Variants in CDK14 observed in about 807,000 individuals in gnomAD.
The protein encoded by CDK14 is cyclin dependent kinase 14.
CDK14 carries 34 observed loss-of-function variants against 60.7 expected under a neutral mutation model. That is an observed-to-expected ratio of 0.56 (90% CI 0.43 to 0.75). CDK14 has a LOEUF of 0.75. Among genes scored for constraint, CDK14 ranks in the 30% least tolerant of loss-of-function variants. CDK14 has a pLI of 0.00. For missense variants in CDK14, 482 were observed against 564.1 expected (o/e 0.85, Z 1.47); for synonymous variants, 197 against 203.7 (o/e 0.97, Z 0.28).
chr7:90,844,167 A>G (rs1790387565), intron 5 of CDK14, among the ~76,000 whole-genome samples: 1 of 152,214 alleles, frequency 6.6e-6, no homozygotes, highest in African/African-American at 2.4e-5. Context: ...TTTAATAGCT[A>G]GTTGCATAGG....
intron 9 of CDK14, among the ~76,000 whole-genome samples, chr7:90,959,973 G>C (rs1794552593): frequency 6.6e-6 from 1 of 152,118 alleles, no homozygotes; most frequent in Non-Finnish European, 1.5e-5. Flanking sequence ...CTCTGTGAAA[G>C]TCAAGGCATA....
At chr7:91,004,589 A>G (rs1199797334) in intron 10 of CDK14, among the ~76,000 whole-genome samples, 1 of 152,218 alleles carries the variant, frequency 6.6e-6, no homozygotes, top group Non-Finnish European at 1.5e-5. Context: ...AAGAATATCA[A>G]TTGATGTCAT....
At chr7:90,653,173 T>C (rs529439653) in intron 2 of CDK14, among the ~76,000 whole-genome samples, 21 of 152,022 alleles carry the variant, frequency 1.4e-4, no homozygotes, top group Admixed American at 2.6e-4. Context: ...GGTGTACTTA[T>C]ACACTGTACA....
chr7:90,676,681 T>G (rs1801205925), intron 2 of CDK14, among the ~76,000 whole-genome samples: 1 of 152,024 alleles, frequency 6.6e-6, no homozygotes, highest in Admixed American at 6.6e-5. Context: ...TATAGGTGGA[T>G]ACTACCACAC....
At chr7:90,837,917 A>G (rs993927572) in intron 5 of CDK14, among the ~76,000 whole-genome samples, 1 of 152,140 alleles carries the variant, frequency 6.6e-6, no homozygotes, top group Non-Finnish European at 1.5e-5. Context: ...GGTGGGTTGC[A>G]GATCAGGATT....
intron 10 of CDK14, among the ~76,000 whole-genome samples, chr7:91,002,157 T>C (rs902487422): frequency 6.6e-6 from 1 of 152,178 alleles, no homozygotes; most frequent in Non-Finnish European, 1.5e-5. Flanking sequence ...TTTGTTGAAA[T>C]GAAATTTCAC....
At chr7:90,885,560 A>T (rs1359930898) in intron 6 of CDK14, among the ~76,000 whole-genome samples, 1 of 152,240 alleles carries the variant, frequency 6.6e-6, no homozygotes, top group African/African-American at 2.4e-5. Flanking sequence ...CAATCCCATT[A>T]TAGGGTATAT....
chr7:91,203,859 A>G (rs945704412), intron 14 of CDK14, among the ~76,000 whole-genome samples: 2 of 152,178 alleles, frequency 1.3e-5, no homozygotes, highest in East Asian at 1.9e-4. Flanking sequence ...TCTTGATGTC[A>G]TGGTCCTCAA....
At chr7:90,815,114 T>C (rs1427076951) in intron 5 of CDK14, among the ~76,000 whole-genome samples, 2 of 152,234 alleles carry the variant, frequency 1.3e-5, no homozygotes, top group Non-Finnish European at 2.9e-5. Context: ...TACTTTATGA[T>C]ACAGTCAATT....
chr7:91,183,943 A>T lies in CDK14; in HGVS notation c.*29-23222A>T, dbSNP rs2249712. Among the ~76,000 whole-genome samples, 15 of 152,320 alleles carry T rather than the reference A, an allele frequency of 9.8e-5. No homozygotes were observed. The South Asian group carries it at 1.5e-3, about 15-fold the overall frequency. ...AGTGTGTTGGCTCACACCAGTAATCACAGCACTTTGGGAGGCCAAGGCAGG... is the reference window on the plus strand; with the variant it reads ...AGTGTGTTGGCTCACACCAGTAATCTCAGCACTTTGGGAGGCCAAGGCAGG... On this transcript the variant is annotated intron_variant, in intron 14 of 14. Coordinates refer to ENST00000380050, the MANE Select transcript of CDK14 (RefSeq NM_001287135.2).
chr7:90,781,278 A>G (rs1489573622), intron 4 of CDK14, among the ~76,000 whole-genome samples: 5 of 152,000 alleles, frequency 3.3e-5, no homozygotes, highest in East Asian at 3.9e-4. Flanking sequence ...TTTTTTTCTT[A>G]TAAATTTGTT....
intron 7 of CDK14, among the ~76,000 whole-genome samples, chr7:90,902,882 A>T (rs184904654): frequency 6.6e-6 from 1 of 152,166 alleles, no homozygotes; most frequent in Admixed American, 6.5e-5. Flanking sequence ...AGGAATTCAA[A>T]CAACTTAACA....
chr7:90,720,308 A>G (rs951008921), intron 2 of CDK14, among the ~76,000 whole-genome samples: 2 of 152,152 alleles, frequency 1.3e-5, no homozygotes, highest in Admixed American at 6.5e-5. Context: ...TTTTGGAGAC[A>G]AGTCATGGCT....
At chr7:91,179,619 G>A (rs915344072) in intron 14 of CDK14, among the ~76,000 whole-genome samples, 24 of 151,858 alleles carry the variant, frequency 1.6e-4, no homozygotes, top group Admixed American at 5.9e-4. Flanking sequence ...TGGCTAACAC[G>A]GTGAAACCCC....
intron 10 of CDK14, among the ~76,000 whole-genome samples, chr7:90,988,976 C>A (rs1795453684): frequency 7.1e-6 from 1 of 140,122 alleles, no homozygotes; most frequent in African/African-American, 2.7e-5. Flanking sequence ...ATATGCCATT[C>A]AGAATTTGAG....
chr7:90,943,125 G>A (rs1038792715), intron 8 of CDK14, among the ~76,000 whole-genome samples: 6 of 152,248 alleles, frequency 3.9e-5, no homozygotes, highest in South Asian at 2.1e-4. Context: ...ACACATCTAC[G>A]TATAATAATT....
At chr7:90,964,038 A>G (rs1336569799) in intron 9 of CDK14, among the ~76,000 whole-genome samples, 1 of 152,192 alleles carries the variant, frequency 6.6e-6, no homozygotes, top group Non-Finnish European at 1.5e-5. Flanking sequence ...AAGGAAAATT[A>G]GAAGAATTAC....
rs202069000 is a variant in CDK14, at chr7:90,743,182, GT to G, written c.370-4498del. On this transcript the variant is annotated intron_variant, in intron 3 of 14. Transcript: ENST00000380050. Reference sequence around the variant, plus strand: ...GATTAGGGATTCTAACCTATATAGCGTGGTGGTATGGGATACATATAGATAG... The same window carrying G: ...GATTAGGGATTCTAACCTATATAGCGGGTGGTATGGGATACATATAGATAG... 4.8e-3 allele frequency among the ~76,000 whole-genome samples: 729 copies of G among 152,206 alleles called. 3 individuals carry two copies. The highest frequency in any genetic ancestry group is 0.016 in the African/African-American group (657 of 41,564).
At chr7:90,852,679 A>G (rs1790687625) in intron 5 of CDK14, among the ~76,000 whole-genome samples, 1 of 152,156 alleles carries the variant, frequency 6.6e-6, no homozygotes, top group South Asian at 2.1e-4. Flanking sequence ...GCATTACCGG[A>G]TACTGACAAG....
Sources: allele counts gnomAD v4.1 joint callset (sites outside exome capture counted in the v4.1 genomes callset), GRCh38; gene constraint gnomAD v4.1.1; transcripts MANE v1.5; gene names NCBI Gene and HGNC (gene_info 2026-07-23, HGNC 2026-07-21).